Variants in CNTNAP2 observed in about 807,000 individuals in gnomAD.
CNTNAP2 encodes contactin-associated protein-like 2.
Under a neutral mutation model 155.2 loss-of-function variants are expected in CNTNAP2, and 98 were observed. That is an observed-to-expected ratio of 0.63 (90% CI 0.54 to 0.75). The LOEUF is 0.75. Among genes scored for constraint, CNTNAP2 ranks in the 30% least tolerant of loss-of-function variants. CNTNAP2 has a pLI of 0.00. For missense variants in CNTNAP2, 1,727 were observed against 1,688.1 expected, an observed-to-expected ratio of 1.02 and a Z score of -0.40; for synonymous variants, 651 against 631.2, an observed-to-expected ratio of 1.03 and a Z score of -0.47.
intron 18 of CNTNAP2, among the ~76,000 whole-genome samples, chr7:148,183,077 C>T (rs1795063474): frequency 6.6e-6 from 1 of 152,306 alleles, no homozygotes; most frequent in Non-Finnish European, 1.5e-5. Flanking sequence ...AATACGGGAA[C>T]ATGTACAGAG....
chr7:146,381,502 G>A (rs920242223), intron 1 of CNTNAP2, among the ~76,000 whole-genome samples: 2 of 152,102 alleles, frequency 1.3e-5, no homozygotes, highest in South Asian at 2.1e-4. Flanking sequence ...TTTGTAAAAT[G>A]GTGATAATAA....
intron 1 of CNTNAP2, among the ~76,000 whole-genome samples, chr7:146,624,836 GA>G (rs1177636655): frequency 2.0e-5 from 3 of 151,874 alleles, no homozygotes; most frequent in Non-Finnish European, 4.4e-5. Context: ...TAGAAGTATT[GA>G]GTCTTCCAAG....
chr7:147,731,781 A>G (rs2116467448), intron 13 of CNTNAP2, among the ~76,000 whole-genome samples: 1 of 152,268 alleles, frequency 6.6e-6, no homozygotes, highest in East Asian at 1.9e-4. Context: ...GATGTCATTA[A>G]GAGCATTTGT....
chr7:147,663,621 T>C (rs945239653), intron 13 of CNTNAP2, among the ~76,000 whole-genome samples: 2 of 152,244 alleles, frequency 1.3e-5, no homozygotes, highest in African/African-American at 4.8e-5. Flanking sequence ...TGTAGCAAAT[T>C]GTTTTCAGTT....
chr7:147,387,255 G>A (rs1216866017), intron 9 of CNTNAP2, among the ~76,000 whole-genome samples: 1 of 152,142 alleles, frequency 6.6e-6, no homozygotes, highest in East Asian at 1.9e-4. Flanking sequence ...CTGTTTTTCT[G>A]ATTCTCCAGT....
intron 15 of CNTNAP2, among the ~76,000 whole-genome samples, chr7:147,984,742 T>C (rs990797855): frequency 9.9e-5 from 15 of 151,844 alleles, no homozygotes; most frequent in African/African-American, 3.6e-4. Context: ...CCCAAAGGAG[T>C]TCAGAAGCTT....
chr7:146,598,343 G>A (rs185478976), intron 1 of CNTNAP2, among the ~76,000 whole-genome samples: 1 of 152,028 alleles, frequency 6.6e-6, no homozygotes, highest in East Asian at 1.9e-4. Context: ...AAGGAATCTC[G>A]ATCTGACAGG....
intron 15 of CNTNAP2, among the ~76,000 whole-genome samples, chr7:148,115,437 G>T (rs1420204676): frequency 6.6e-6 from 1 of 152,194 alleles, no homozygotes; most frequent in Non-Finnish European, 1.5e-5. Context: ...ACAGCCTAAA[G>T]AGACAGAATT....
intron 1 of CNTNAP2, among the ~76,000 whole-genome samples, chr7:146,490,047 C>T (rs1797116174): frequency 6.6e-6 from 1 of 152,148 alleles, no homozygotes; most frequent in East Asian, 1.9e-4. Flanking sequence ...TCAATCCAGT[C>T]CATAGATTTG....
chr7:146,208,145 T>TACTTTGAA (rs1798978420), intron 1 of CNTNAP2, among the ~76,000 whole-genome samples: 1 of 152,150 alleles, frequency 6.6e-6, no homozygotes, highest in African/African-American at 2.4e-5. Flanking sequence ...CTTATTTATT[T>TACTTTGAA]ACTTTGAAGG....
chr7:147,600,668 C>A (rs559051567), intron 12 of CNTNAP2, among the ~76,000 whole-genome samples: 1 of 152,206 alleles, frequency 6.6e-6, no homozygotes, highest in South Asian at 2.1e-4. Flanking sequence ...TGCCTTTGCT[C>A]CACCTTTTCT....
intron 13 of CNTNAP2, among the ~76,000 whole-genome samples, chr7:147,774,149 C>T (rs1797520960): frequency 1.3e-5 from 2 of 152,128 alleles, no homozygotes; most frequent in South Asian, 4.1e-4. Context: ...GGTCTCTTGG[C>T]ACTTAATGCT....
intron 3 of CNTNAP2, among the ~76,000 whole-genome samples, chr7:147,001,912 A>G (rs1231987442): frequency 1.3e-5 from 2 of 152,054 alleles, no homozygotes; most frequent in East Asian, 3.9e-4. Flanking sequence ...TTATTTAAAA[A>G]TGCTATAATA....
At chr7:146,949,960 C>A (rs527996111) in intron 3 of CNTNAP2, among the ~76,000 whole-genome samples, 60 of 152,030 alleles carry the variant, frequency 3.9e-4, no homozygotes, top group Non-Finnish European at 1.5e-5. Context: ...ATACTATGTG[C>A]GAAGAATTTA....
rs371603291 is a variant in CNTNAP2 at position 147,968,554 on chromosome 7, G to A, written c.2256-9308G>A. On this transcript the variant is annotated intron_variant, in intron 14 of 23. Transcript: ENST00000361727. The stretch of plus-strand genomic sequence containing the variant: ...GCAAGAGTGAGGAGGGGTGTGAACA[G>A]AGGGACCTGCCGCTTATTTGCCTTT... Among the ~76,000 whole-genome samples, 736 of 152,316 alleles carry A rather than the reference G, an allele frequency of 4.8e-3. 8 individuals carry two copies. The highest frequency in any genetic ancestry group is 0.017 in the African/African-American group (718 of 41,584).
Position 148,357,316 on chromosome 7 carries a change from G to A in CNTNAP2, c.3476-26333G>A, listed in dbSNP as rs190002701. Among the ~76,000 whole-genome samples the A allele has an allele frequency of 1.3e-3, 196 of 152,234 alleles. 1 individual carries two copies. The highest frequency in any genetic ancestry group is 4.5e-3 in the African/African-American group (186 of 41,530). ...CCTTTGCCTTTGCCTATGATTGTGAGGCCTCCCCAGCCATGTGGAACTGTG... is the reference window on the plus strand; with the variant it reads ...CCTTTGCCTTTGCCTATGATTGTGAAGCCTCCCCAGCCATGTGGAACTGTG... On this transcript the variant is annotated intron_variant, in intron 21 of 23. Coordinates refer to ENST00000361727, the MANE Select transcript of CNTNAP2 (RefSeq NM_014141.6).
intron 12 of CNTNAP2, among the ~76,000 whole-genome samples, chr7:147,606,352 A>G (rs1018825918): frequency 7.2e-5 from 11 of 152,182 alleles, no homozygotes; most frequent in Non-Finnish European, 1.3e-4. Context: ...GTGCTAAGGA[A>G]CGGATTTATT....
chr7:148,262,111 A>G (rs1207169251), intron 20 of CNTNAP2, among the ~76,000 whole-genome samples: 1 of 152,062 alleles, frequency 6.6e-6, no homozygotes, highest in Non-Finnish European at 1.5e-5. Flanking sequence ...AAGAGTCAGG[A>G]AGGGCTTATT....
At chr7:146,224,239 G>C (rs551710946) in intron 1 of CNTNAP2, among the ~76,000 whole-genome samples, 39 of 152,126 alleles carry the variant, frequency 2.6e-4, no homozygotes, top group Non-Finnish European at 4.3e-4. Flanking sequence ...CTCACATAGG[G>C]AGGGACCATG....
Sources: allele counts gnomAD v4.1 joint callset (sites outside exome capture counted in the v4.1 genomes callset), GRCh38; gene constraint gnomAD v4.1.1; transcripts MANE v1.5; gene names NCBI Gene and HGNC (gene_info 2026-07-23, HGNC 2026-07-21).